GABBR2: variants seen among roughly 807,000 people sequenced by gnomAD.
GABBR2 encodes G-protein coupled receptor 51.
In GABBR2, 23 loss-of-function variants were observed where a neutral mutation model predicts 105.6. That is an observed-to-expected ratio of 0.22 (90% CI 0.16 to 0.31). GABBR2 has a LOEUF of 0.31. GABBR2 is among the 10% of genes least tolerant of loss of function. The pLI is 1.00. For synonymous variants in GABBR2, 478 were observed against 499.7 expected, an observed-to-expected ratio of 0.96 and a Z score of 0.58; for missense variants, 734 against 1,245.5, an observed-to-expected ratio of 0.59 and a Z score of 6.18.
chr9:98,589,387 C>T (rs1829117005), intron 1 of GABBR2, among the ~76,000 whole-genome samples: 1 of 152,206 alleles, frequency 6.6e-6, no homozygotes, highest in Admixed American at 6.5e-5. Flanking sequence ...CTGCACTTGA[C>T]AATGACATAA....
intron 2 of GABBR2, among the ~76,000 whole-genome samples, chr9:98,554,043 C>G (rs1341685121): frequency 6.6e-6 from 1 of 152,168 alleles, no homozygotes; most frequent in East Asian, 1.9e-4. Flanking sequence ...GTGACTTACT[C>G]AAAATCAGGT....
At chr9:98,424,282 C>T (rs1200332764) in intron 7 of GABBR2, among the ~76,000 whole-genome samples, 52 of 151,506 alleles carry the variant, frequency 3.4e-4, no homozygotes, top group East Asian at 3.9e-4. Flanking sequence ...AATTCAACAA[C>T]GCTTCATGCT....
At chr9:98,675,980 C>T (rs1374238800) in intron 1 of GABBR2, among the ~76,000 whole-genome samples, 3 of 152,138 alleles carry the variant, frequency 2.0e-5, no homozygotes, top group Non-Finnish European at 4.4e-5. Flanking sequence ...ACAAAGCACA[C>T]CCCCCCAAAT....
At chr9:98,681,082 C>T (rs889753153) in intron 1 of GABBR2, among the ~76,000 whole-genome samples, 1 of 151,104 alleles carries the variant, frequency 6.6e-6, no homozygotes, top group African/African-American at 2.4e-5. Flanking sequence ...CCCAGCCATC[C>T]CATTACTGGG....
intron 7 of GABBR2, among the ~76,000 whole-genome samples, chr9:98,429,339 C>T (rs2131569113): frequency 6.6e-6 from 1 of 152,150 alleles, no homozygotes; most frequent in Non-Finnish European, 1.5e-5. Flanking sequence ...CCGGGTTTCA[C>T]CATGCTGGCC....
intron 1 of GABBR2, among the ~76,000 whole-genome samples, chr9:98,682,095 C>T (rs1830556809): frequency 1.3e-5 from 2 of 151,836 alleles, no homozygotes; most frequent in South Asian, 4.2e-4. Flanking sequence ...GGCATGGTGG[C>T]CCGCACCTGT....
chr9:98,596,586 C>G (rs973285166), intron 1 of GABBR2, among the ~76,000 whole-genome samples: 1 of 152,166 alleles, frequency 6.6e-6, no homozygotes, highest in Non-Finnish European at 1.5e-5. Flanking sequence ...TGGCCCAGCC[C>G]AGCCCTGCCA....
intron 1 of GABBR2, among the ~76,000 whole-genome samples, chr9:98,596,627 G>A (rs1416139962): frequency 6.6e-6 from 1 of 152,160 alleles, no homozygotes; most frequent in Non-Finnish European, 1.5e-5. Context: ...GTCACGACAG[G>A]ACCATATGGG....
intron 1 of GABBR2, among the ~76,000 whole-genome samples, chr9:98,682,159 G>A (rs888133648): frequency 1.3e-5 from 2 of 151,492 alleles, no homozygotes; most frequent in Non-Finnish European, 2.9e-5. Flanking sequence ...CCCGGGAGGT[G>A]GAGGCTGCAA....
At chr9:98,701,181 AAT>A (rs1438904244) in intron 1 of GABBR2, among the ~76,000 whole-genome samples, 1 of 152,242 alleles carries the variant, frequency 6.6e-6, no homozygotes, top group Non-Finnish European at 1.5e-5. Context: ...AGGAAAGTCA[AAT>A]ACACAAAGAA....
At chr9:98,415,099 T>A (rs1197646577) in intron 7 of GABBR2, among the ~76,000 whole-genome samples, 1 of 152,046 alleles carries the variant, frequency 6.6e-6, no homozygotes, top group Non-Finnish European at 1.5e-5. Flanking sequence ...AAACAAAGGA[T>A]AAAAATTGTA....
chr9:98,512,705 G>A (rs1827672600), intron 3 of GABBR2, among the ~76,000 whole-genome samples: 2 of 151,944 alleles, frequency 1.3e-5, no homozygotes, highest in African/African-American at 4.8e-5. Context: ...CAAGGGATGT[G>A]AAGGACCTCT....
chr9:98,375,951 AGCT>A (rs1831865553), intron 11 of GABBR2, among the ~76,000 whole-genome samples: 1 of 152,192 alleles, frequency 6.6e-6, no homozygotes, highest in Non-Finnish European at 1.5e-5. Flanking sequence ...AACACCAAAT[AGCT>A]ACTTCACTTT....
intron 1 of GABBR2, among the ~76,000 whole-genome samples, chr9:98,606,320 C>T (rs1439111095): frequency 6.6e-6 from 1 of 152,130 alleles, no homozygotes; most frequent in African/African-American, 2.4e-5. Context: ...AATGGTATTT[C>T]TAGTTCTAGA....
chr9:98,473,305 G>A lies in GABBR2; in HGVS notation c.840C>T (p.Ile280=). 6.2e-7 allele frequency: 1 copy of A among 1,613,540 alleles called. No homozygotes were observed. The change falls in exon 6 of 19, where the codon ATC becomes ATT. Residue 280 remains isoleucine (I), a synonymous_variant. Coordinates refer to ENST00000259455, the MANE Select transcript of GABBR2 (RefSeq NM_005458.8). ...AAGAAGGCTCGTACCAGCCCGGAAT[G>A]ATCCACTGATATTTACTACCATACA... ...ENMYGSKYQW[I]IPGWYEPSWW... is the part of the protein sequence containing the mutation.
In GABBR2 at chr9:98,576,933, T is replaced by TGGAA. The variant is rs1554718744; in HGVS notation, c.459+1001_459+1002insTTCC. On this transcript the variant is annotated intron_variant, in intron 2 of 18. Transcript: ENST00000259455. ...ATGGATGGATGGATGGATGGATGGA[T>TGGAA]GGATGGATGGATGGATGGATAGGTG... is the stretch of plus-strand genomic sequence containing the variant. Among the ~76,000 whole-genome samples, 33 of 145,542 alleles carry TGGAA rather than the reference T, an allele frequency of 2.3e-4. No individual in the cohort carries two copies. In the East Asian group the frequency reaches 2.5e-3, roughly 11 times the overall value.
chr9:98,396,946 C>T (rs1415112), intron 8 of GABBR2, among the ~76,000 whole-genome samples: 2 of 152,182 alleles, frequency 1.3e-5, no homozygotes, highest in Admixed American at 6.5e-5. Flanking sequence ...TCACAAGTTC[C>T]TGCATTTAAT....
At chr9:98,330,457 T>C (rs1224720617) in intron 13 of GABBR2, among the ~76,000 whole-genome samples, 2 of 152,230 alleles carry the variant, frequency 1.3e-5, no homozygotes, top group African/African-American at 4.8e-5. Context: ...TGAAGTCCAC[T>C]TTACTGCTGG....
chr9:98,455,523 G>T (rs1588170324), intron 6 of GABBR2, among the ~76,000 whole-genome samples: 2 of 152,338 alleles, frequency 1.3e-5, no homozygotes, highest in East Asian at 1.9e-4. Context: ...ACAGAGAGGT[G>T]CAGAGACATG....
Sources: allele counts gnomAD v4.1 joint callset (sites outside exome capture counted in the v4.1 genomes callset), GRCh38; gene constraint gnomAD v4.1.1; transcripts MANE v1.5; gene names NCBI Gene and HGNC (gene_info 2026-07-23, HGNC 2026-07-21).